MYH6: variants seen among roughly 807,000 people sequenced by gnomAD.
MYH6 encodes the protein myosin heavy chain 6, also known as myosin-6.
Under a neutral mutation model 223.2 loss-of-function variants are expected in MYH6, and 126 were observed. That is an observed-to-expected ratio of 0.56 (90% CI 0.49 to 0.65). The LOEUF (loss-of-function observed/expected upper bound fraction) is 0.65, where lower values mean the gene tolerates loss of function less well. Ranked by LOEUF, MYH6 falls within the 30% of genes least tolerant of loss-of-function variation. The pLI, the probability that MYH6 is intolerant of heterozygous loss-of-function variation, is 0.00. For synonymous variants in MYH6, 978 were observed against 1,010.2 expected, an observed-to-expected ratio of 0.97 and a Z score of 0.61; for missense variants, 2,040 against 2,536.4, an observed-to-expected ratio of 0.80 and a Z score of 4.20.
chr14:23,404,636 G>T, intron 7 of MYH6, 75 bp downstream of exon 7: 2 of 1,410,154 alleles, frequency 1.4e-6, no homozygotes, highest in East Asian at 2.3e-5. Context: ...GTCACAGGGA[G>T]GGGAGGGTTA....
In MYH6 at chr14:23,389,632, C is replaced by G. The variant is rs1891167841; in HGVS notation, c.3820G>C (p.Asp1274His). Reference protein sequence around the residue: ...KLEEAQRSLNDFTTQRAKLQT... With the variant: ...KLEEAQRSLNHFTTQRAKLQT... ...AGCTTGGCTCGCTGGGTGGTGAAAT[C>G]ATTGAGGGAGCGTTGGGCCTCTTCT... The change falls in exon 27 of 39, where the codon GAT (aspartate) becomes CAT (histidine). Residue 1274 changes from aspartate to histidine, a missense_variant. Asp to His is a moderately conservative substitution (Grantham distance 81). Around this residue, in one of 4 missense-constraint regions of MYH6, gnomAD observed 1,203 missense variants for 1,400.2 expected, o/e 0.86. Transcript: ENST00000405093. 1.2e-6 allele frequency: 2 copies of G among 1,614,168 alleles called. No homozygotes were observed. Among genetic ancestry groups the G allele is most frequent in the South Asian group, 1.1e-5 (1 of 91,080 alleles).
chr14:23,384,745 A>G (rs1890967847), intron 35 of MYH6, 28 bp from the exon 36 acceptor site: 1 of 1,614,096 alleles, frequency 6.2e-7, no homozygotes, highest in Admixed American at 1.7e-5. Flanking sequence ...GTGGCAAGGA[A>G]CATGGGCCAG....
chr14:23,397,952 C>CTTCTTCTTCTTCTTCTAT (rs1891464902), intron 15 of MYH6, among the ~76,000 whole-genome samples: 1 of 91,170 alleles, frequency 1.1e-5, no homozygotes, highest in Non-Finnish European at 2.2e-5. Flanking sequence ...TCTTCTTCTT[C>CTTCTTCTTCTTCTTCTAT]TTCTTCTTCT....
chr14:23,404,246 T>C (rs771435567), intron 8 of MYH6, 50 bp downstream of exon 8: 1 of 1,601,726 alleles, frequency 6.2e-7, no homozygotes, highest in South Asian at 1.1e-5. Context: ...GCACCCCCTT[T>C]TTCTTGTCAA....
rs758251388 is a variant in MYH6, at chr14:23,386,092, C to T, written c.4999G>A (p.Asp1667Asn). The T allele has an allele frequency of 1.9e-5, 30 of 1,614,114 alleles. No individual in the cohort carries two copies. Among genetic ancestry groups the T allele is most frequent in the South Asian group, 3.3e-5 (3 of 91,094 alleles). The change falls in exon 34 of 39, where the codon GAC (aspartate) becomes AAC (asparagine). Residue 1667 changes from aspartate (D) to asparagine (N), a missense_variant. By Grantham distance (23) the Asp-to-Asn change is conservative (BLOSUM62 1). Transcript: ENST00000405093. The stretch of plus-strand genomic sequence containing the variant: ...ATGGCGATGTTCTCCTTCAGGTCGT[C>T]GTTGGCACGGACCGCATCGTCCAGC... ...IQLDDAVRAN[D>N]DLKENIAIVE...
intron 36 of MYH6, among the ~76,000 whole-genome samples, chr14:23,384,122 C>G (rs1305358508): frequency 6.6e-6 from 1 of 151,898 alleles, no homozygotes; most frequent in African/African-American, 2.4e-5. Flanking sequence ...GACTCTTATC[C>G]CCACAGTCGA....
intron 13 of MYH6, 22 bp downstream of exon 13, chr14:23,400,687 A>T: frequency 6.2e-7 from 1 of 1,613,880 alleles, no homozygotes; most frequent in African/African-American, 1.3e-5. Context: ...TTGTTCTCCC[A>T]CTCCCAGGGG....
Position 23,407,214 on chromosome 14 carries a change from C to A in MYH6, c.10G>T (p.Ala4Ser). ...GCTGCCCCAAAGTCAGCCATCTGGG[C>A]ATCGGTCATCTTGGTGCTTCCCCTG... MTD[A>S]QMADFGAAAQ... Residue 4 changes from alanine to serine, a missense_variant, in exon 3 of 39, where the codon GCC (alanine) becomes TCC (serine). Ala to Ser is a moderately conservative substitution (Grantham distance 99). Transcript: ENST00000405093. The surrounding 1 kb of genome is among the most constrained non-coding windows in gnomAD (Gnocchi z 5.6). The A allele has an allele frequency of 6.2e-7, 1 of 1,614,248 alleles. No homozygotes were observed.
rs751086645 is a variant in MYH6 at position 23,403,769 on chromosome 14, T to C, written c.745A>G (p.Ile249Val). Residue 249 changes from isoleucine to valine, a missense_variant, in exon 9 of 39, where the codon ATT becomes GTT. Coordinates refer to ENST00000405093, the MANE Select transcript of MYH6 (RefSeq NM_002471.4). ...NDNSSRFGKF[I>V]RIHFGATGKL... The stretch of plus-strand genomic sequence containing the variant: ...CCAGTGGCCCCAAAGTGGATCCTAA[T>C]GAATTTCCCCTGGGGACGAATGGGA... 16 of 1,611,902 alleles carry C rather than the reference T, an allele frequency of 9.9e-6. No homozygotes were observed. Among genetic ancestry groups the C allele is most frequent in the Middle Eastern group, 3.3e-4 (2 of 6,060 alleles).
chr14:23,403,533 G>A (rs1891678590), intron 9 of MYH6, 87 bp from the exon 10 acceptor site: 1 of 1,245,750 alleles, frequency 8.0e-7, no homozygotes, highest in South Asian at 1.2e-5. Flanking sequence ...GAGGGCAGGG[G>A]GCACCCACAG....
At chr14:23,403,836 G>C in intron 8 of MYH6, 58 bp from the exon 9 acceptor site, 1 of 1,459,524 alleles carries the variant, frequency 6.9e-7, no homozygotes, top group East Asian at 2.4e-5. Flanking sequence ...TGAAATCCTG[G>C]CCCTCTGTTC....
rs765737102 is a variant in MYH6, at chr14:23,385,990, G to A, written c.5101C>T (p.Arg1701Trp). ...ATCAGCTCCTGCTCCGCCAGCTTCC[G>A]GGACCGCTCTGTCTGCTCCACCACG... Reference protein sequence around the residue: ...RAVVEQTERSRKLAEQELIET... With the variant: ...RAVVEQTERSWKLAEQELIET... The change falls in exon 34 of 39, where the codon CGG (arginine) becomes TGG (tryptophan). Residue 1701 changes from arginine to tryptophan, a missense_variant. Around this residue, in one of 4 missense-constraint regions of MYH6, gnomAD observed 1,203 missense variants for 1,400.2 expected, o/e 0.86. Coordinates refer to ENST00000405093, the MANE Select transcript of MYH6 (RefSeq NM_002471.4). 74 of 1,614,076 alleles carry A rather than the reference G, an allele frequency of 4.6e-5. No individual in the cohort carries two copies. Among genetic ancestry groups the A allele is most frequent in the Non-Finnish European group, 5.5e-5 (65 of 1,180,040 alleles).
intron 36 of MYH6, 136 bp from the exon 37 acceptor site, chr14:23,383,456 G>T: frequency 1.4e-6 from 1 of 716,100 alleles, no homozygotes; most frequent in South Asian, 1.7e-5. Context: ...AGAGGTGGTG[G>T]GGAAGATTCT....
rs1484679078 is a variant in MYH6, at chr14:23,382,064, C to T, written c.5797-1G>A. ...GTCACTCCTCATCGTGCATTTTTTG[C>T]TGCAAAAAGAATAAGAGGTGTGAGG... On this transcript the variant is annotated splice_acceptor_variant, in intron 38 of 38. Transcript: ENST00000405093. LOFTEE classifies it high-confidence loss of function. 6.2e-7 allele frequency: 1 copy of T among 1,613,850 alleles called. No individual in the cohort carries two copies. Among genetic ancestry groups the T allele is most frequent in the African/African-American group, 1.3e-5 (1 of 74,874 alleles).
In MYH6 at chr14:23,404,261, G is replaced by T. The variant is rs371545547; in HGVS notation, c.735+35C>A. On this transcript the variant is annotated intron_variant, in intron 8 of 38. Transcript: ENST00000405093. The stretch of plus-strand genomic sequence containing the variant: ...GCACCCCCTTTTTCTTGTCAAGGCT[G>T]GATGAGGCCACTGGGAGTGGTCAAA... The T allele has an allele frequency of 1.7e-4, 278 of 1,609,450 alleles. 2 individuals are homozygous for T. The South Asian group carries it at 2.9e-3, about 17-fold the overall frequency.
chr14:23,407,034 C>T lies in MYH6; in HGVS notation c.190G>A (p.Glu64Lys), dbSNP rs750818212. The T allele has an allele frequency of 3.5e-5, 57 of 1,614,042 alleles. 1 individual carries two copies. Among genetic ancestry groups the T allele is most frequent in the South Asian group, 6.6e-5 (6 of 91,052 alleles). The change falls in exon 3 of 39, where the codon GAG (glutamate) becomes AAG (lysine). Residue 64 changes from glutamate to lysine, a missense_variant. Glu to Lys is a moderately conservative substitution (Grantham distance 56). This residue lies in a region of MYH6 where 184 missense variants were observed against 232.4 expected (regional missense o/e 0.79). Coordinates refer to ENST00000405093, the MANE Select transcript of MYH6 (RefSeq NM_002471.4). The surrounding 1 kb of genome is among the most constrained non-coding windows in gnomAD (Gnocchi z 5.6). ...REGGKVIAET[E>K]NGKTVTVKED... is the part of the protein sequence containing the mutation. Reference sequence around the variant, plus strand: ...CATGCCCTACTCACCTTCCCATTCTCGGTTTCAGCAATGACCTTGCCTCCC... The same window carrying T: ...CATGCCCTACTCACCTTCCCATTCTTGGTTTCAGCAATGACCTTGCCTCCC...
rs1468169152 is a variant in MYH6 at position 23,388,923 on chromosome 14, C to T, written c.4111G>A (p.Ala1371Thr). Residue 1371 changes from alanine (A) to threonine (T), a missense_variant, in exon 29 of 39, where the codon GCC (alanine) becomes ACC (threonine). This residue lies in a region of MYH6 where 1,203 missense variants were observed against 1,400.2 expected (regional missense o/e 0.86). Coordinates refer to ENST00000405093, the MANE Select transcript of MYH6 (RefSeq NM_002471.4). ...RVLSKANSEV[A>T]QWRTKYETDA... is the part of the protein sequence containing the mutation. The stretch of plus-strand genomic sequence containing the variant: ...GTCTCATACTTGGTCCTCCACTGGG[C>T]CACCTCCGAGTTGGCCTTGGACAGG... 4 of 1,613,686 alleles carry T rather than the reference C, an allele frequency of 2.5e-6. No homozygotes were observed. The highest frequency in any genetic ancestry group is 1.3e-5 in the African/African-American group (1 of 74,946).
Position 23,405,540 on chromosome 14 carries a change from C to T in MYH6, c.345+87G>A, listed in dbSNP as rs1891757597. 3 of 1,604,346 alleles carry T rather than the reference C, an allele frequency of 1.9e-6. No individual in the cohort carries two copies. Among genetic ancestry groups the T allele is most frequent in the East Asian group, 4.5e-5 (2 of 44,612 alleles). ...GGGGACTTGGGTCCCTTGGGAGTCT[C>T]TCCCCCTCTTCTTGGGAGAGCCCCC... On this transcript the variant is annotated intron_variant, in intron 4 of 38. Transcript: ENST00000405093. The surrounding 1 kb of genome is among the most constrained non-coding windows in gnomAD (Gnocchi z 4.7).
In MYH6 at chr14:23,402,738, C is replaced by G. The variant is rs753937010; in HGVS notation, c.961G>C (p.Val321Leu). The G allele has an allele frequency of 1.2e-6, 2 of 1,613,632 alleles. No individual in the cohort carries two copies. Among genetic ancestry groups the G allele is most frequent in the Non-Finnish European group, 1.7e-6 (2 of 1,179,968 alleles). The change falls in exon 11 of 39, where the codon GTG becomes CTG. Residue 321 changes from valine to leucine, a missense_variant. Coordinates refer to ENST00000405093, the MANE Select transcript of MYH6 (RefSeq NM_002471.4). ...YAFVSQGEVS[V>L]ASIDDSEELM... Reference sequence around the variant, plus strand: ...TCCTCGGAGTCATCAATGGAGGCCACGGACACCTCTCCCTGAGACACGAAG... The same window carrying G: ...TCCTCGGAGTCATCAATGGAGGCCAGGGACACCTCTCCCTGAGACACGAAG...
Sources: gnomAD v4.1 joint callset for allele counts (sites outside exome capture counted in the v4.1 genomes callset) on GRCh38, gnomAD v4.1.1 for gene constraint, gnomAD v4.1.1 regional missense constraint, Gnocchi (gnomAD v3.1) non-coding constraint, MANE v1.5 for transcripts, NCBI Gene and HGNC (gene_info 2026-07-23, HGNC 2026-07-21) for gene names.